Variants in MEF2A observed in about 807,000 individuals in gnomAD.
MEF2A encodes myocyte enhancer factor 2A, also known as myocyte-specific enhancer factor 2A.
MEF2A carries 28 observed loss-of-function variants against 55.8 expected under a neutral mutation model. That is an observed-to-expected ratio of 0.50 (90% CI 0.37 to 0.69). The LOEUF is 0.69. MEF2A is among the 30% of genes least tolerant of loss of function. The pLI is 0.00. For synonymous variants in MEF2A, 239 were observed against 227.1 expected (o/e 1.05, Z -0.47); for missense variants, 528 against 626.2 (o/e 0.84, Z 1.67).
intron 1 of MEF2A, among the ~76,000 whole-genome samples, chr15:99,593,618 A>G (rs1401112821): frequency 6.6e-6 from 1 of 152,198 alleles, no homozygotes; most frequent in African/African-American, 2.4e-5. Flanking sequence ...AACTGTTTTC[A>G]TGTAGAAACT....
chr15:99,571,091 C>T (rs1447737548), intron 1 of MEF2A, among the ~76,000 whole-genome samples: 7 of 151,482 alleles, frequency 4.6e-5, no homozygotes, highest in South Asian at 2.1e-4. Context: ...GGCTTAGGCA[C>T]GAGAATCGCT....
At chr15:99,577,705 A>T (rs1384241740) in intron 1 of MEF2A, among the ~76,000 whole-genome samples, 1 of 152,220 alleles carries the variant, frequency 6.6e-6, no homozygotes, top group Admixed American at 6.5e-5. Flanking sequence ...CTAAGTTTCA[A>T]TCCATAATCC....
chr15:99,650,799 CCAGCAG>C (rs907216654), intron 4 of MEF2A, among the ~76,000 whole-genome samples: 10 of 152,224 alleles, frequency 6.6e-5, no homozygotes, highest in African/African-American at 1.9e-4. Flanking sequence ...AGTGCCCTGA[CCAGCAG>C]CAGCAGCAGC....
intron 7 of MEF2A, among the ~76,000 whole-genome samples, chr15:99,684,848 C>T (rs2053912007): frequency 6.6e-6 from 1 of 152,170 alleles, no homozygotes. Flanking sequence ...GTCTTTGATT[C>T]ATCTTGAATT....
chr15:99,614,747 C>T (rs1014093525), intron 2 of MEF2A, among the ~76,000 whole-genome samples: 3 of 152,064 alleles, frequency 2.0e-5, no homozygotes, highest in Non-Finnish European at 4.4e-5. Flanking sequence ...GTAGGACTGT[C>T]AGTAAGGAGA....
chr15:99,666,710 A>G (rs2049839268), intron 4 of MEF2A, among the ~76,000 whole-genome samples: 1 of 152,072 alleles, frequency 6.6e-6, no homozygotes, highest in Non-Finnish European at 1.5e-5. Flanking sequence ...AAAACCTTCT[A>G]AGTTTGATTT....
chr15:99,683,811 G>C (rs980827311), intron 7 of MEF2A, among the ~76,000 whole-genome samples: 3 of 151,994 alleles, frequency 2.0e-5, no homozygotes, highest in South Asian at 2.1e-4. Context: ...GAGTTCACCA[G>C]AGCAGTGTAC....
chr15:99,712,083 T>G lies in MEF2A; in HGVS notation c.1137-307T>G, dbSNP rs1047502106. On this transcript the variant is annotated intron_variant, in intron 11 of 11. Transcript: ENST00000557942. This position sits in a 1 kb window ranked among gnomAD's most constrained non-coding sequence, Gnocchi z 4.1. The stretch of plus-strand genomic sequence containing the variant: ...AGATGAGGCTGCTGTTCCTCTGTCT[T>G]TCTGGTCCCTGCACAGCATTAAGAC... Among the ~76,000 whole-genome samples the G allele has an allele frequency of 6.6e-6, 1 of 152,250 alleles. No homozygotes were observed. The highest frequency in any genetic ancestry group is 1.5e-5 in the Non-Finnish European group (1 of 68,046).
intron 8 of MEF2A, among the ~76,000 whole-genome samples, chr15:99,700,376 G>A (rs951857651): frequency 1.5e-4 from 23 of 151,546 alleles, no homozygotes; most frequent in African/African-American, 5.3e-4. Context: ...GTCGAGTGTG[G>A]TAGGATGCCC....
intron 4 of MEF2A, among the ~76,000 whole-genome samples, chr15:99,665,967 G>T (rs2049593497): frequency 6.6e-6 from 1 of 152,160 alleles, no homozygotes; most frequent in Non-Finnish European, 1.5e-5. Flanking sequence ...GGAGAAATGG[G>T]AACACTTTTA....
chr15:99,624,954 C>T (rs919561019), intron 2 of MEF2A, among the ~76,000 whole-genome samples: 1 of 152,090 alleles, frequency 6.6e-6, no homozygotes, highest in African/African-American at 2.4e-5. Context: ...TTCGACTTTA[C>T]AGTGTTGTGA....
chr15:99,580,648 T>C (rs1303608658), intron 1 of MEF2A, among the ~76,000 whole-genome samples: 2 of 152,230 alleles, frequency 1.3e-5, no homozygotes, highest in Non-Finnish European at 2.9e-5. Flanking sequence ...GAGGTTTGTG[T>C]CTATAATATA....
At chr15:99,678,523 A>G in intron 7 of MEF2A, 1 of 433,316 alleles carries the variant, frequency 2.3e-6, no homozygotes, top group Non-Finnish European at 3.1e-6. Context: ...AAACCATATC[A>G]TTTTTACCAA....
rs904905187 is a variant in MEF2A, at chr15:99,713,894, A to G, written c.*1123A>G. 3.9e-5 allele frequency: 6 copies of G among 152,204 alleles called. No individual in the cohort carries two copies. Among genetic ancestry groups the G allele is most frequent in the African/African-American group, 9.6e-5 (4 of 41,454 alleles). The allele number at this position is 152,204 out of a possible 1,614,324, so 9.4% of individuals were successfully genotyped here. ...ATTATCACCTTTGATGTAAGTACCTATGTATTGTATGGTCACCAGATTAAA... is the reference window on the plus strand; with the variant it reads ...ATTATCACCTTTGATGTAAGTACCTGTGTATTGTATGGTCACCAGATTAAA... On this transcript the variant is annotated 3_prime_UTR_variant, in exon 12 of 12. Transcript: ENST00000557942.
chr15:99,673,249 T>G (rs2051232858), intron 5 of MEF2A, among the ~76,000 whole-genome samples: 1 of 152,182 alleles, frequency 6.6e-6, no homozygotes, highest in South Asian at 2.1e-4. Context: ...CTTAAGGAGT[T>G]ACTTTTGGGC....
intron 2 of MEF2A, among the ~76,000 whole-genome samples, chr15:99,621,386 A>G (rs2041150214): frequency 6.6e-6 from 1 of 151,040 alleles, no homozygotes; most frequent in African/African-American, 2.4e-5. Context: ...TTTTTTTCTT[A>G]GACTAAATTC....
At chr15:99,695,168 G>A (rs1382225151) in intron 8 of MEF2A, among the ~76,000 whole-genome samples, 1 of 151,750 alleles carries the variant, frequency 6.6e-6, no homozygotes, top group Non-Finnish European at 1.5e-5. Flanking sequence ...GCTCCAAAAG[G>A]TATCTGACTA....
At chr15:99,679,088 A>C (rs1306349212) in intron 7 of MEF2A, among the ~76,000 whole-genome samples, 1 of 152,202 alleles carries the variant, frequency 6.6e-6, no homozygotes, top group Admixed American at 6.5e-5. Flanking sequence ...TGGTATACCA[A>C]ATATTGACAA....
At chr15:99,651,538 C>T (rs1444690510) in intron 4 of MEF2A, among the ~76,000 whole-genome samples, 1 of 152,156 alleles carries the variant, frequency 6.6e-6, no homozygotes, top group African/African-American at 2.4e-5. Flanking sequence ...TTTCCTCCAC[C>T]TCCAGTCCCC....
Sources: gnomAD v4.1 joint callset for allele counts (sites outside exome capture counted in the v4.1 genomes callset) on GRCh38, gnomAD v4.1.1 for gene constraint, Gnocchi (gnomAD v3.1) non-coding constraint, MANE v1.5 for transcripts, NCBI Gene and HGNC (gene_info 2026-07-23, HGNC 2026-07-21) for gene names.